TPTE: variants seen among roughly 807,000 people sequenced by gnomAD.
The protein encoded by TPTE is transmembrane phosphatase with tensin homology.
Under a neutral mutation model 84.1 loss-of-function variants are expected in TPTE, and 59 were observed. The observed-to-expected ratio is 0.70, with a 90% confidence interval of 0.57 to 0.87. The LOEUF is 0.87. Among genes scored for constraint, TPTE ranks in the 40% least tolerant of loss-of-function variants. The probability of loss-of-function intolerance (pLI) is 0.00; values close to 1 mark genes in which losing one functional copy is unlikely to be tolerated. For synonymous variants in TPTE, 130 were observed against 223.5 expected (o/e 0.58, Z 3.73); for missense variants, 382 against 659.6 (o/e 0.58, Z 4.61).
At chr21:10,551,188 A>C (rs948680179) in intron 7 of TPTE, among the ~76,000 whole-genome samples, 1 of 152,310 alleles carries the variant, frequency 6.6e-6, no homozygotes, top group Non-Finnish European at 1.5e-5. Flanking sequence ...TCGCAAGGAC[A>C]AAACACCAAA....
chr21:10,554,899 C>T (rs2074650504), intron 8 of TPTE, among the ~76,000 whole-genome samples: 1 of 152,308 alleles, frequency 6.6e-6, no homozygotes, highest in Non-Finnish European at 1.5e-5. Flanking sequence ...ATTGTCCTTA[C>T]CCTGTTTTAG....
chr21:10,601,727 C>G (rs1309751656), intron 21 of TPTE, among the ~76,000 whole-genome samples: 1 of 152,300 alleles, frequency 6.6e-6, no homozygotes, highest in Non-Finnish European at 1.5e-5. Context: ...ATGGCATGTG[C>G]CTATAGTCCC....
intron 17 of TPTE, among the ~76,000 whole-genome samples, chr21:10,585,452 G>C (rs1260315225): frequency 6.6e-6 from 1 of 152,306 alleles, no homozygotes; most frequent in African/African-American, 2.4e-5. Flanking sequence ...TAATTTAGTT[G>C]TGCTGTATTA....
intron 3 of TPTE, among the ~76,000 whole-genome samples, chr21:10,535,721 A>G (rs1182994050): frequency 1.3e-5 from 2 of 152,308 alleles, no homozygotes; most frequent in African/African-American, 4.8e-5. Context: ...AGCACTCAGC[A>G]AAAAGAACAG....
intron 13 of TPTE, among the ~76,000 whole-genome samples, chr21:10,569,949 T>C (rs2075008969): frequency 6.6e-6 from 1 of 152,312 alleles, no homozygotes; most frequent in South Asian, 2.1e-4. Context: ...ACTACTCAGT[T>C]GCAGCATAGG....
intron 3 of TPTE, among the ~76,000 whole-genome samples, chr21:10,536,567 CAG>C (rs1011346563): frequency 3.3e-5 from 5 of 152,308 alleles, no homozygotes; most frequent in Non-Finnish European, 5.9e-5. Context: ...CACACAAACA[CAG>C]GGAGAGAGAG....
chr21:10,583,782 T>C (rs1269104955), intron 17 of TPTE, among the ~76,000 whole-genome samples: 1 of 152,310 alleles, frequency 6.6e-6, no homozygotes, highest in African/African-American at 2.4e-5. Context: ...ATCCAGTTAT[T>C]CCAGCACACT....
chr21:10,598,970 T>A (rs2075640739), intron 21 of TPTE, among the ~76,000 whole-genome samples: 1 of 152,310 alleles, frequency 6.6e-6, no homozygotes, highest in South Asian at 2.1e-4. Flanking sequence ...GGATGACCCG[T>A]TCCCCTTACT....
intron 8 of TPTE, among the ~76,000 whole-genome samples, chr21:10,553,322 G>A (rs1385955133): frequency 6.6e-6 from 1 of 152,306 alleles, no homozygotes; most frequent in Admixed American, 6.5e-5. Flanking sequence ...CTTCTTTCTT[G>A]CCCAGTTGTA....
intron 7 of TPTE, among the ~76,000 whole-genome samples, chr21:10,546,547 GTAAAAC>G (rs2074471589): frequency 6.6e-6 from 1 of 152,306 alleles, no homozygotes; most frequent in South Asian, 2.1e-4. Flanking sequence ...AGTTGTGAAT[GTAAAAC>G]AAAAACAAAA....
chr21:10,540,900 G>A (rs574743555), intron 4 of TPTE, among the ~76,000 whole-genome samples: 3 of 152,410 alleles, frequency 2.0e-5, no homozygotes, highest in Admixed American at 6.5e-5. Context: ...TGCATGCATC[G>A]CTATGGTCAC....
At chr21:10,556,101 GTTACATATTCA>G (rs2074678223) in intron 8 of TPTE, among the ~76,000 whole-genome samples, 1 of 152,304 alleles carries the variant, frequency 6.6e-6, no homozygotes, top group South Asian at 2.1e-4. Context: ...GTGCAGGTTT[GTTACATATTCA>G]TGCATGTGCC....
At chr21:10,593,346 C>A (rs1197655816) in intron 19 of TPTE, among the ~76,000 whole-genome samples, 1 of 152,308 alleles carries the variant, frequency 6.6e-6, no homozygotes, top group Non-Finnish European at 1.5e-5. Context: ...AATTTGTAGT[C>A]CATGTTTGTT....
chr21:10,530,854 C>G (rs1395206336), intron 3 of TPTE, among the ~76,000 whole-genome samples: 1 of 152,308 alleles, frequency 6.6e-6, no homozygotes, highest in Non-Finnish European at 1.5e-5. Flanking sequence ...TATAATCAGT[C>G]TAATAGATGG....
At chr21:10,603,770 G>A in intron 23 of TPTE, 138 bp downstream of exon 23, 1 of 1,118,474 alleles carries the variant, frequency 8.9e-7, no homozygotes, top group Non-Finnish European at 1.3e-6. Flanking sequence ...ATTGTTCCTT[G>A]CCTTACTCTT....
intron 4 of TPTE, among the ~76,000 whole-genome samples, chr21:10,540,499 G>A (rs1433437002): frequency 1.3e-5 from 2 of 152,308 alleles, no homozygotes; most frequent in Admixed American, 6.5e-5. Flanking sequence ...ATGAACCAAG[G>A]GAGAAGCGAA....
chr21:10,539,857 A>C (rs903326310), intron 4 of TPTE, among the ~76,000 whole-genome samples: 2 of 152,306 alleles, frequency 1.3e-5, no homozygotes, highest in African/African-American at 4.8e-5. Flanking sequence ...TAAAAATACA[A>C]AATTAACCGG....
chr21:10,539,913 G>T (rs369058730), intron 4 of TPTE, among the ~76,000 whole-genome samples: 2 of 152,312 alleles, frequency 1.3e-5, no homozygotes, highest in Non-Finnish European at 2.9e-5. Context: ...GGAGGCTGAG[G>T]CAGGAGAATT....
At chr21:10,534,679 T>C (rs551903470) in intron 3 of TPTE, among the ~76,000 whole-genome samples, 1 of 152,426 alleles carries the variant, frequency 6.6e-6, no homozygotes, top group East Asian at 1.9e-4. Context: ...GTGTTATGTG[T>C]GTGTATGTTC....
Sources: gnomAD v4.1 joint callset for allele counts (sites outside exome capture counted in the v4.1 genomes callset) on GRCh38, gnomAD v4.1.1 for gene constraint, MANE v1.5 for transcripts, NCBI Gene and HGNC (gene_info 2026-07-23, HGNC 2026-07-21) for gene names.